Variants in PEX3 observed in about 807,000 individuals in gnomAD.
The protein encoded by PEX3 is peroxin-3.
PEX3 carries 30 observed loss-of-function variants against 55.8 expected under a neutral mutation model. The observed-to-expected ratio is 0.54, with a 90% CI of 0.40 to 0.73. The LOEUF is 0.73. Among genes scored for constraint, PEX3 ranks in the 30% least tolerant of loss-of-function variants. The pLI is 0.00. For missense variants in PEX3, 351 were observed against 432.8 expected, an observed-to-expected ratio of 0.81 and a Z score of 1.68; for synonymous variants, 135 against 148.4, an observed-to-expected ratio of 0.91 and a Z score of 0.66.
At chr6:143,480,780 G>GT (rs1344034492) in intron 10 of PEX3, among the ~76,000 whole-genome samples, 25 of 152,270 alleles carry the variant, frequency 1.6e-4, no homozygotes, top group African/African-American at 6.0e-4. Flanking sequence ...GGAGGCTGAG[G>GT]TGGGTGGATT....
chr6:143,473,907 G>A (rs530822695), intron 8 of PEX3, among the ~76,000 whole-genome samples: 1 of 150,610 alleles, frequency 6.6e-6, no homozygotes, highest in Non-Finnish European at 1.5e-5. Flanking sequence ...CAAGAGGATG[G>A]CTTGAGGCCA....
chr6:143,479,362 C>T lies in PEX3; in HGVS notation c.941+164C>T, dbSNP rs538387497. Among the ~76,000 whole-genome samples, 4 of 152,200 alleles carry T rather than the reference C, an allele frequency of 2.6e-5. No individual in the cohort carries two copies. The South Asian group carries it at 8.3e-4, about 32-fold the overall frequency. ...CCAACAACTTCTTCACTAGCAGAAG[C>T]TCCTTCTTGGTTTCAGTATTAAAAC... On this transcript the variant is annotated intron_variant, in intron 10 of 11. Coordinates refer to ENST00000367591, the MANE Select transcript of PEX3 (RefSeq NM_003630.3). The surrounding 1 kb of genome is among the most constrained non-coding windows in gnomAD (Gnocchi z 4.6).
rs754368981 is a variant in PEX3, at chr6:143,486,151, T to A, written c.1038+903T>A. 6.6e-6 allele frequency among the ~76,000 whole-genome samples: 1 copy of A among 152,190 alleles called. No homozygotes were observed. The highest frequency in any genetic ancestry group is 1.5e-5 in the Non-Finnish European group (1 of 68,014). On this transcript the variant is annotated intron_variant, in intron 11 of 11. Transcript: ENST00000367591. This position sits in a 1 kb window ranked among gnomAD's most constrained non-coding sequence, Gnocchi z 5.0. ...TTTTCCCACACTGGACTCTTCAGTCTTCTGTCCTCTTTCTCACCCCTAAGA... is the reference window on the plus strand; with the variant it reads ...TTTTCCCACACTGGACTCTTCAGTCATCTGTCCTCTTTCTCACCCCTAAGA...
At chr6:143,468,359 A>G (rs1053493370) in intron 4 of PEX3, among the ~76,000 whole-genome samples, 194 bp downstream of exon 4, 9 of 152,168 alleles carry the variant, frequency 5.9e-5, no homozygotes, top group Non-Finnish European at 1.2e-4. Context: ...TGGTAATGCT[A>G]TTGTTATTAT....
intron 8 of PEX3, 114 bp from the exon 9 acceptor site, chr6:143,474,658 AACTTTTTTTATTGT>A: frequency 1.5e-6 from 1 of 678,452 alleles, no homozygotes; most frequent in Non-Finnish European, 2.7e-6. Context: ...GGGAGGGTCT[AACTTTTTTTATTGT>A]TGATAGAACA....
intron 10 of PEX3, among the ~76,000 whole-genome samples, chr6:143,484,402 A>G (rs994597180): frequency 5.9e-5 from 9 of 152,096 alleles, no homozygotes; most frequent in African/African-American, 9.7e-5. Flanking sequence ...AAAAGATTTT[A>G]AGATTATTAA....
chr6:143,463,011 A>T lies in PEX3; in HGVS notation c.287+14A>T, dbSNP rs1188065488. On this transcript the variant is annotated intron_variant, in intron 3 of 11. Coordinates refer to ENST00000367591, the MANE Select transcript of PEX3 (RefSeq NM_003630.3). The surrounding 1 kb of genome is among the most constrained non-coding windows in gnomAD (Gnocchi z 5.7). The stretch of plus-strand genomic sequence containing the variant: ...GCTAAAAAACAGGTAAATGCAAGTT[A>T]CAGCATTTTCTGTTTAAGCACTACA... 1.3e-6 allele frequency: 2 copies of T among 1,589,688 alleles called. No individual in the cohort carries two copies. Among genetic ancestry groups the T allele is most frequent in the African/African-American group, 2.7e-5 (2 of 74,468 alleles).
intron 1 of PEX3, among the ~76,000 whole-genome samples, chr6:143,455,062 G>A (rs538368292): frequency 1.5e-3 from 230 of 152,298 alleles, no homozygotes; most frequent in African/African-American, 5.2e-3. Context: ...TAGGTTTAGA[G>A]TGCAGTTCAA....
rs1780085200 is a variant in PEX3, at chr6:143,472,247, T to C, written c.666T>C (p.Ser222=). Residue 222 remains serine, a synonymous_variant, in exon 8 of 12, where the codon TCT becomes TCC. Transcript: ENST00000367591. ...IRNLVEQHKS[S]SWINKDGSKP... is the part of the protein sequence containing the mutation. ...ATCTCGTTGAGCAGCATAAGTCTTC[T>C]TCTTGGATTAATAAAGATGGATCCA... 6.2e-7 allele frequency: 1 copy of C among 1,608,120 alleles called. No individual in the cohort carries two copies.
chr6:143,457,786 G>A (rs1321876942), intron 1 of PEX3, among the ~76,000 whole-genome samples: 1 of 152,158 alleles, frequency 6.6e-6, no homozygotes, highest in Non-Finnish European at 1.5e-5. Context: ...GCTTATTGAA[G>A]TCCCAGTGTT....
Position 143,463,621 on chromosome 6 carries a change from T to A in PEX3, c.287+624T>A, listed in dbSNP as rs78101307. Among the ~76,000 whole-genome samples the A allele has an allele frequency of 2.0e-3, 297 of 152,240 alleles. 1 individual carries two copies. The Middle Eastern group carries it at 0.024, about 12-fold the overall frequency. ...AGACTTCCAGCAGGAAATGGCTTCT[T>A]ATTTTGATGACAATGATGGGAGGGT... is the stretch of plus-strand genomic sequence containing the variant. On this transcript the variant is annotated intron_variant, in intron 3 of 11. Coordinates refer to ENST00000367591, the MANE Select transcript of PEX3 (RefSeq NM_003630.3). The surrounding 1 kb of genome is among the most constrained non-coding windows in gnomAD (Gnocchi z 5.7).
chr6:143,477,103 A>T (rs1780163688), intron 9 of PEX3, among the ~76,000 whole-genome samples: 1 of 152,226 alleles, frequency 6.6e-6, no homozygotes, highest in South Asian at 2.1e-4. Flanking sequence ...GGAGTTGTTG[A>T]TTGATCTTGT....
chr6:143,470,315 T>C (rs1340010208), intron 4 of PEX3, among the ~76,000 whole-genome samples: 1 of 151,902 alleles, frequency 6.6e-6, no homozygotes, highest in Admixed American at 6.6e-5. Flanking sequence ...TCCCTCACGC[T>C]TTGATGTACT....
At position 143,462,847 on chromosome 6, in the gene PEX3, A is replaced by G. The variant is rs958623946; in HGVS notation, c.206-69A>G. 2 of 1,145,966 alleles carry G rather than the reference A, an allele frequency of 1.7e-6. No homozygotes were observed. Among genetic ancestry groups the G allele is most frequent in the African/African-American group, 3.0e-5 (2 of 65,850 alleles). 71.0% of individuals were successfully genotyped at this position (1,145,966 alleles called of 1,614,324 possible). A position where few individuals can be genotyped will look rare whatever the true frequency, so the allele number is the denominator to read the frequency against. On this transcript the variant is annotated intron_variant, in intron 2 of 11. Transcript: ENST00000367591. This position sits in a 1 kb window ranked among gnomAD's most constrained non-coding sequence, Gnocchi z 4.1. ...TAGCCCTATCATATAGCCTAAAACA[A>G]TGCGCATTTCTTAGTGAGGGCAGTC...
chr6:143,462,606 A>G lies in PEX3; in HGVS notation c.206-310A>G, dbSNP rs1215158875. ...AAAGAAAAAAAAGGAATTGTTCATA[A>G]TCCATAGCTCAAAGACCACCACTGT... On this transcript the variant is annotated intron_variant, in intron 2 of 11. Transcript: ENST00000367591. The surrounding 1 kb of genome is among the most constrained non-coding windows in gnomAD (Gnocchi z 4.1). 2.0e-5 allele frequency among the ~76,000 whole-genome samples: 3 copies of G among 152,212 alleles called. No homozygotes were observed. Among genetic ancestry groups the G allele is most frequent in the Non-Finnish European group, 4.4e-5 (3 of 68,030 alleles).
intron 1 of PEX3, among the ~76,000 whole-genome samples, chr6:143,452,688 G>T (rs6935365): frequency 0.013 from 2,028 of 152,266 alleles, 36 homozygotes; most frequent in African/African-American, 0.046. Context: ...TATCAAAAAA[G>T]GAGTCAGTCT....
chr6:143,471,278 C>A lies in PEX3; in HGVS notation c.457-105C>A. ...GTGTGTTAAAAATTACTATTTTTCC[C>A]GTCATTTCAGATCTTGAAAAATCTC... On this transcript the variant is annotated intron_variant, in intron 5 of 11. Coordinates refer to ENST00000367591, the MANE Select transcript of PEX3 (RefSeq NM_003630.3). The surrounding 1 kb of genome is among the most constrained non-coding windows in gnomAD (Gnocchi z 5.4). The A allele has an allele frequency of 1.8e-6, 2 of 1,093,916 alleles. No individual in the cohort carries two copies. Among genetic ancestry groups the A allele is most frequent in the East Asian group, 4.8e-5 (2 of 41,618 alleles). The allele number at this position is 1,093,916 out of a possible 1,614,324, so 67.8% of individuals were successfully genotyped here. A position where few individuals can be genotyped will look rare whatever the true frequency, so the allele number is the denominator to read the frequency against.
Position 143,463,148 on chromosome 6 carries a change from C to A in PEX3, c.287+151C>A. On this transcript the variant is annotated intron_variant, in intron 3 of 11. Transcript: ENST00000367591. This position sits in a 1 kb window ranked among gnomAD's most constrained non-coding sequence, Gnocchi z 5.7. Reference sequence around the variant, plus strand: ...AAAAATACTAACTATATCATTTAACCTACATTTAATTTTGTCTATGCTCTA... The same window carrying A: ...AAAAATACTAACTATATCATTTAACATACATTTAATTTTGTCTATGCTCTA... The A allele has an allele frequency of 1.5e-6, 1 of 658,050 alleles. No individual in the cohort carries two copies. Among genetic ancestry groups the A allele is most frequent in the Non-Finnish European group, 2.7e-6 (1 of 368,016 alleles). 40.8% of individuals were successfully genotyped at this position (658,050 alleles called of 1,614,324 possible).
chr6:143,452,924 A>G (rs143861705), intron 1 of PEX3, among the ~76,000 whole-genome samples: 1 of 152,332 alleles, frequency 6.6e-6, no homozygotes, highest in Non-Finnish European at 1.5e-5. Flanking sequence ...TACGCTGGGC[A>G]TTGTGCTAAG....
Sources: allele counts gnomAD v4.1 joint callset (sites outside exome capture counted in the v4.1 genomes callset), GRCh38; gene constraint gnomAD v4.1.1; non-coding constraint Gnocchi (gnomAD v3.1); transcripts MANE v1.5; gene names NCBI Gene and HGNC (gene_info 2026-07-23, HGNC 2026-07-21).